The following DERA variants were observed in gnomAD, a reference collection of about 807,000 sequenced individuals.
DERA encodes deoxyribose-phosphate aldolase, also known as 2-deoxy-D-ribose 5-phosphate aldolase.
Under a neutral mutation model 41.1 loss-of-function variants are expected in DERA, and 15 were observed. That is an observed-to-expected ratio of 0.37 (90% CI 0.24 to 0.56). DERA has a LOEUF of 0.56. Ranked by LOEUF, DERA falls within the 20% of genes least tolerant of loss-of-function variation. DERA has a pLI of 0.81. For synonymous variants in DERA, 139 were observed against 137.4 expected (o/e 1.01, Z -0.08); for missense variants, 396 against 403.4 (o/e 0.98, Z 0.16).
At chr12:16,027,192 T>G (rs921429037) in intron 6 of DERA, among the ~76,000 whole-genome samples, 3 of 152,212 alleles carry the variant, frequency 2.0e-5, no homozygotes, top group Admixed American at 6.5e-5. Flanking sequence ...TACTTAATAT[T>G]GAGAAATTGC....
Position 15,921,336 on chromosome 12 carries a change from G to A in DERA, c.31+9922G>A, listed in dbSNP as rs150673154. 6.6e-6 allele frequency among the ~76,000 whole-genome samples: 1 copy of A among 152,252 alleles called. No individual in the cohort carries two copies. Among genetic ancestry groups the A allele is most frequent in the African/African-American group, 2.4e-5 (1 of 41,548 alleles). The stretch of plus-strand genomic sequence containing the variant: ...TTGATGATTTTGGAAATTGACATAA[G>A]GATATCTTCTCTGTGGTCTCAGAGA... On this transcript the variant is annotated intron_variant, in intron 1 of 8. Transcript: ENST00000428559. This position sits in a 1 kb window ranked among gnomAD's most constrained non-coding sequence, Gnocchi z 5.3.
chr12:15,938,464 G>A lies in DERA; in HGVS notation c.32-18472G>A, dbSNP rs1948387343. Among the ~76,000 whole-genome samples the A allele has an allele frequency of 6.6e-6, 1 of 152,072 alleles. No individual in the cohort carries two copies. The highest frequency in any genetic ancestry group is 2.1e-4 in the South Asian group (1 of 4,834). On this transcript the variant is annotated intron_variant, in intron 1 of 8. Transcript: ENST00000428559. The surrounding 1 kb of genome is among the most constrained non-coding windows in gnomAD (Gnocchi z 4.1). ...ATCTCAGCATTATAAAACAACACAA[G>A]TTGAATTATTACTCTGCTTTAATAA...
At chr12:15,951,340 G>A (rs949349169) in intron 1 of DERA, 1 of 152,252 alleles carries the variant, frequency 6.6e-6, no homozygotes, top group Non-Finnish European at 1.5e-5. Context: ...CAGAAACAGG[G>A]CATTCTGACA....
chr12:15,947,649 T>C lies in DERA; in HGVS notation c.32-9287T>C, dbSNP rs185611385. On this transcript the variant is annotated intron_variant, in intron 1 of 8. Transcript: ENST00000428559. ...CTGAATACAGCACATTGATGGGTCT[T>C]GACTCTTTATCCAATTTGCCAGTCT... is the stretch of plus-strand genomic sequence containing the variant. Among the ~76,000 whole-genome samples the C allele has an allele frequency of 8.0e-4, 122 of 152,340 alleles. 1 individual carries two copies. In the East Asian group the frequency reaches 0.019, roughly 23 times the overall value.
At chr12:15,927,813 T>C (rs1565585729) in intron 1 of DERA, among the ~76,000 whole-genome samples, 2 of 152,198 alleles carry the variant, frequency 1.3e-5, no homozygotes, top group Non-Finnish European at 2.9e-5. Context: ...TCTGTCTTTT[T>C]TAAAATGCTT....
rs940235374 is a variant in DERA, at chr12:16,014,160, G to A, written c.638-18382G>A. Among the ~76,000 whole-genome samples, 14 of 152,104 alleles carry A rather than the reference G, an allele frequency of 9.2e-5. No homozygotes were observed. Among genetic ancestry groups the A allele is most frequent in the African/African-American group, 3.4e-4 (14 of 41,432 alleles). ...AAATTTGCAGCCTGATGATGTGATA[G>A]AAAAAAACCCACTTTCTGAGGAGAA... On this transcript the variant is annotated intron_variant, in intron 6 of 8. Coordinates refer to ENST00000428559, the MANE Select transcript of DERA (RefSeq NM_015954.4). This position sits in a 1 kb window ranked among gnomAD's most constrained non-coding sequence, Gnocchi z 5.4.
Position 15,940,977 on chromosome 12 carries a change from GAA to G in DERA, c.32-15957_32-15956del, listed in dbSNP as rs1948404448. Among the ~76,000 whole-genome samples, 1 of 152,178 alleles carries G rather than the reference GAA, an allele frequency of 6.6e-6. No individual in the cohort carries two copies. The highest frequency in any genetic ancestry group is 1.5e-5 in the Non-Finnish European group (1 of 68,026). On this transcript the variant is annotated intron_variant, in intron 1 of 8. Coordinates refer to ENST00000428559, the MANE Select transcript of DERA (RefSeq NM_015954.4). The surrounding 1 kb of genome is among the most constrained non-coding windows in gnomAD (Gnocchi z 5.1). ...AATTGCAGATAATCAACTTTCCTGAGAAATGGGAATTGAGAGTAAAATTTTTT... is the reference window on the plus strand; with the variant it reads ...AATTGCAGATAATCAACTTTCCTGAGATGGGAATTGAGAGTAAAATTTTTT...
Position 16,004,590 on chromosome 12 carries a change from T to G in DERA, c.637+22154T>G, listed in dbSNP as rs956761093. ...ACTAACCACCTTTCTAAATGTTTAA[T>G]AGTAGTCATATTAACTTATTAAATT... is the stretch of plus-strand genomic sequence containing the variant. On this transcript the variant is annotated intron_variant, in intron 6 of 8. Coordinates refer to ENST00000428559, the MANE Select transcript of DERA (RefSeq NM_015954.4). The surrounding 1 kb of genome is among the most constrained non-coding windows in gnomAD (Gnocchi z 4.2). Among the ~76,000 whole-genome samples the G allele has an allele frequency of 6.6e-6, 1 of 152,184 alleles. No homozygotes were observed. The highest frequency in any genetic ancestry group is 1.9e-4 in the East Asian group (1 of 5,204).
Position 15,922,612 on chromosome 12 carries a change from T to C in DERA, c.31+11198T>C. Among the ~76,000 whole-genome samples, 1 of 152,182 alleles carries C rather than the reference T, an allele frequency of 6.6e-6. No individual in the cohort carries two copies. Among genetic ancestry groups the C allele is most frequent in the East Asian group, 1.9e-4 (1 of 5,196 alleles). On this transcript the variant is annotated intron_variant, in intron 1 of 8. Coordinates refer to ENST00000428559, the MANE Select transcript of DERA (RefSeq NM_015954.4). The surrounding 1 kb of genome is among the most constrained non-coding windows in gnomAD (Gnocchi z 4.9). Reference sequence around the variant, plus strand: ...CAGTTGTTTTGGTGCTTGACAGTAGTTGTTTTTACAGGCCAAGTTGAAATT... The same window carrying C: ...CAGTTGTTTTGGTGCTTGACAGTAGCTGTTTTTACAGGCCAAGTTGAAATT...
chr12:16,000,705 GA>G lies in DERA; in HGVS notation c.637+18271del, dbSNP rs1948869132. On this transcript the variant is annotated intron_variant, in intron 6 of 8. Coordinates refer to ENST00000428559, the MANE Select transcript of DERA (RefSeq NM_015954.4). This position sits in a 1 kb window ranked among gnomAD's most constrained non-coding sequence, Gnocchi z 4.8. Reference sequence around the variant, plus strand: ...ACAAAGCCAGCAAAGGCTGTTTGTAGAACGTTAGCTGCTATCACACTGGCTT... The same window carrying G: ...ACAAAGCCAGCAAAGGCTGTTTGTAGACGTTAGCTGCTATCACACTGGCTT... 6.6e-6 allele frequency among the ~76,000 whole-genome samples: 1 copy of G among 152,224 alleles called. No individual in the cohort carries two copies. The highest frequency in any genetic ancestry group is 1.5e-5 in the Non-Finnish European group (1 of 68,036).
At chr12:15,927,550 T>G (rs1948296153) in intron 1 of DERA, among the ~76,000 whole-genome samples, 1 of 152,182 alleles carries the variant, frequency 6.6e-6, no homozygotes, top group South Asian at 2.1e-4. Context: ...AGGAGTAATA[T>G]GAACTCACAA....
At chr12:16,022,566 CA>C (rs1355504685) in intron 6 of DERA, among the ~76,000 whole-genome samples, 1 of 152,168 alleles carries the variant, frequency 6.6e-6, no homozygotes, top group Non-Finnish European at 1.5e-5. Context: ...CTTCCAGTTT[CA>C]GCTTTAACAT....
Position 16,003,101 on chromosome 12 carries a change from T to C in DERA, c.637+20665T>C, listed in dbSNP as rs1481145019. ...CAGGGTTAGTTCCTTCTGAGGGCTA[T>C]GAGAAAGAATCTGTTTTGTGGCTCT... is the stretch of plus-strand genomic sequence containing the variant. On this transcript the variant is annotated intron_variant, in intron 6 of 8. Coordinates refer to ENST00000428559, the MANE Select transcript of DERA (RefSeq NM_015954.4). The surrounding 1 kb of genome is among the most constrained non-coding windows in gnomAD (Gnocchi z 4.8). Among the ~76,000 whole-genome samples, 2 of 152,166 alleles carry C rather than the reference T, an allele frequency of 1.3e-5. No homozygotes were observed. Among genetic ancestry groups the C allele is most frequent in the African/African-American group, 4.8e-5 (2 of 41,432 alleles).
chr12:15,982,472 A>G lies in DERA; in HGVS notation c.637+36A>G. The G allele has an allele frequency of 1.9e-6, 3 of 1,564,394 alleles. No homozygotes were observed. The East Asian group carries it at 6.8e-5, about 36-fold the overall frequency. On this transcript the variant is annotated intron_variant, in intron 6 of 8. Coordinates refer to ENST00000428559, the MANE Select transcript of DERA (RefSeq NM_015954.4). The surrounding 1 kb of genome is among the most constrained non-coding windows in gnomAD (Gnocchi z 4.0). ...TATGTTCAAATAATGTTTTCTATTGAATTGATGTTTTTAGGAGAAATTAAG... is the reference window on the plus strand; with the variant it reads ...TATGTTCAAATAATGTTTTCTATTGGATTGATGTTTTTAGGAGAAATTAAG...
At chr12:15,933,822 A>T (rs1253363494) in intron 1 of DERA, among the ~76,000 whole-genome samples, 2 of 152,154 alleles carry the variant, frequency 1.3e-5, no homozygotes, top group African/African-American at 4.8e-5. Flanking sequence ...GACCAGCCTC[A>T]TCTTTTCATA....
intron 1 of DERA, among the ~76,000 whole-genome samples, chr12:15,944,581 A>AT (rs1236569005): frequency 2.6e-5 from 4 of 151,540 alleles, no homozygotes; most frequent in Admixed American, 1.3e-4. Context: ...GGGTTGTTTG[A>AT]TTTTTTCTTG....
Position 15,959,947 on chromosome 12 carries a change from T to C in DERA, c.373+23T>C, listed in dbSNP as rs201650092. The stretch of plus-strand genomic sequence containing the variant: ...CAGGTAAAATGTGTTGTGGCTTTTG[T>C]TGTTATTTTTTAAACATGTTTCCAG... On this transcript the variant is annotated intron_variant, in intron 4 of 8. Coordinates refer to ENST00000428559, the MANE Select transcript of DERA (RefSeq NM_015954.4). The surrounding 1 kb of genome is among the most constrained non-coding windows in gnomAD (Gnocchi z 4.5). 265 of 1,509,072 alleles carry C rather than the reference T, an allele frequency of 1.8e-4. 1 individual carries two copies. The African/African-American group carries it at 3.4e-3, about 19-fold the overall frequency. 93.5% of individuals were successfully genotyped at this position (1,509,072 alleles called of 1,614,324 possible).
At chr12:15,914,393 T>TTAAAAA (rs1948185153) in intron 1 of DERA, among the ~76,000 whole-genome samples, 1 of 55,024 alleles carries the variant, frequency 1.8e-5, no homozygotes, top group African/African-American at 6.0e-5. Context: ...TCAAAAAAGA[T>TTAAAAA]AAAAAAAAAA....
At chr12:15,986,051 A>G (rs896553744) in intron 6 of DERA, among the ~76,000 whole-genome samples, 2 of 151,832 alleles carry the variant, frequency 1.3e-5, no homozygotes, top group African/African-American at 4.8e-5. Flanking sequence ...TACCTTTAGG[A>G]TTGTTATGTT....
Sources: allele counts gnomAD v4.1 joint callset (sites outside exome capture counted in the v4.1 genomes callset), GRCh38; gene constraint gnomAD v4.1.1; non-coding constraint Gnocchi (gnomAD v3.1); transcripts MANE v1.5; gene names NCBI Gene and HGNC (gene_info 2026-07-23, HGNC 2026-07-21).